The following OPRD1 variants were observed in gnomAD, a reference collection of about 807,000 sequenced individuals.
The protein encoded by OPRD1 is opioid receptor delta 1, also known as delta-type opioid receptor.
A neutral mutation model predicts 17.5 loss-of-function variants in OPRD1; 19 were observed. The ratio of observed to expected loss-of-function variants is 1.09; its 90% CI spans 0.76 to 1.60. OPRD1 has a LOEUF of 1.60. OPRD1 is among the 40% of genes most tolerant of loss of function. OPRD1 has a pLI of 0.00. For synonymous variants in OPRD1, 256 were observed against 240.9 expected, an observed-to-expected ratio of 1.06 and a Z score of -0.58; for missense variants, 483 against 547.2, an observed-to-expected ratio of 0.88 and a Z score of 1.17.
chr1:28,853,276 T>C (rs1317247787), intron 1 of OPRD1, among the ~76,000 whole-genome samples: 1 of 152,234 alleles, frequency 6.6e-6, no homozygotes, highest in African/African-American at 2.4e-5. Context: ...GTGTCGCCAC[T>C]GGACTAAAGT....
In OPRD1 at chr1:28,859,064, C is replaced by G. The variant is rs560311089; in HGVS notation, c.338C>G (p.Thr113Arg). Residue 113 changes from threonine (T) to arginine (R), a missense_variant, in exon 2 of 3, where the codon ACG (threonine) becomes AGG (arginine). Physicochemically the swap from Thr to Arg is moderately conservative, Grantham distance 71. Coordinates refer to ENST00000234961, the MANE Select transcript of OPRD1 (RefSeq NM_000911.4). ...PFQSAKYLME[T>R]WPFGELLCKA... The stretch of plus-strand genomic sequence containing the variant: ...CAGAGTGCCAAGTACCTGATGGAGA[C>G]GTGGCCCTTCGGCGAGCTGCTCTGC... The G allele has an allele frequency of 1.5e-5, 25 of 1,614,242 alleles. No homozygotes were observed. In the South Asian group the frequency reaches 2.7e-4, roughly 18 times the overall value.
intron 1 of OPRD1, among the ~76,000 whole-genome samples, chr1:28,842,589 G>C (rs1464714974): frequency 6.6e-6 from 1 of 152,234 alleles, no homozygotes; most frequent in East Asian, 1.9e-4. Context: ...TAACAGAGGA[G>C]TGTAGGGCTC....
At position 28,862,665 on chromosome 1, in the gene OPRD1, G is replaced by T. The variant is rs140970421; in HGVS notation, c.578-77G>T. The T allele has an allele frequency of 8.7e-5, 121 of 1,392,532 alleles. 2 individuals carry two copies. The East Asian group carries it at 2.9e-3, about 33-fold the overall frequency. The allele number at this position is 1,392,532 out of a possible 1,614,324, so 86.3% of individuals were successfully genotyped here. A position where few individuals can be genotyped will look rare whatever the true frequency, so the allele number is the denominator to read the frequency against. ...GTGGGACTTGCCCAAGCCTTGAAAG[G>T]GTGGGCAAGCAGGTGGGGGCCCCTT... On this transcript the variant is annotated intron_variant, in intron 2 of 2. Transcript: ENST00000234961.
rs1213310374 is a variant in OPRD1 at position 28,858,995 on chromosome 1, ACCTGG to A, written c.273_277del (p.Ala92SerfsTer52). 2 of 1,613,522 alleles carry A rather than the reference ACCTGG, an allele frequency of 1.2e-6. No individual in the cohort carries two copies. The highest frequency in any genetic ancestry group is 3.3e-5 in the Admixed American group (2 of 60,012). On this transcript the variant is annotated frameshift_variant, in exon 2 of 3. Transcript: ENST00000234961. LOFTEE classifies it high-confidence loss of function. ...ACGGCCACCAACATCTACATCTTCA[ACCTGG>A]CCTTAGCCGATGCGCTGGCCACCAG...
intron 1 of OPRD1, among the ~76,000 whole-genome samples, chr1:28,821,952 C>A (rs1276638529): frequency 7.9e-6 from 1 of 126,236 alleles, no homozygotes; most frequent in African/African-American, 3.5e-5. Flanking sequence ...CTCATTATTT[C>A]TTTCTTTTTT....
chr1:28,857,855 C>T (rs961603401), intron 1 of OPRD1, among the ~76,000 whole-genome samples: 2 of 152,078 alleles, frequency 1.3e-5, no homozygotes, highest in Admixed American at 1.3e-4. Flanking sequence ...TGCAATGGCA[C>T]TATCTCGGCT....
chr1:28,819,297 AAGGAGGCAGCAGG>A (rs2088693513), intron 1 of OPRD1, among the ~76,000 whole-genome samples: 1 of 150,784 alleles, frequency 6.6e-6, no homozygotes, highest in Non-Finnish European at 1.5e-5. Flanking sequence ...AAAAAAAAGG[AAGGAGGCAGCAGG>A]AGGAGGCTGG....
At chr1:28,853,651 A>G (rs2089028988) in intron 1 of OPRD1, among the ~76,000 whole-genome samples, 1 of 152,236 alleles carries the variant, frequency 6.6e-6, no homozygotes, top group Non-Finnish European at 1.5e-5. Flanking sequence ...TAAGAGAGCA[A>G]GGATGGGTAG....
In OPRD1 at chr1:28,861,249, A is replaced by T. The variant is rs540954773; in HGVS notation, c.578-1493A>T. On this transcript the variant is annotated intron_variant, in intron 2 of 2. Coordinates refer to ENST00000234961, the MANE Select transcript of OPRD1 (RefSeq NM_000911.4). ...TTCTTAAATCCTAGCATTCCAAGAG[A>T]TCCTGGGAGTCCCCTGGGCCAGCCT... Among the ~76,000 whole-genome samples the T allele has an allele frequency of 7.9e-5, 12 of 152,012 alleles. No homozygotes were observed. The South Asian group carries it at 2.3e-3, about 29-fold the overall frequency.
At chr1:28,823,033 A>C (rs1252150670) in intron 1 of OPRD1, among the ~76,000 whole-genome samples, 1 of 151,978 alleles carries the variant, frequency 6.6e-6, no homozygotes, top group African/African-American at 2.4e-5. Context: ...TCTGCAGGCT[A>C]TAGTGGCCCC....
In OPRD1 at chr1:28,863,052, G is replaced by A. The variant is rs1389425915; in HGVS notation, c.888G>A (p.Val296=). 6.2e-7 allele frequency: 1 copy of A among 1,606,058 alleles called. No individual in the cohort carries two copies. Among genetic ancestry groups the A allele is most frequent in the Non-Finnish European group, 8.5e-7 (1 of 1,176,240 alleles). Residue 296 remains valine, a synonymous_variant, in exon 3 of 3, where the codon GTG becomes GTA. Coordinates refer to ENST00000234961, the MANE Select transcript of OPRD1 (RefSeq NM_000911.4). ...LVDIDRRDPL[V]VAALHLCIAL... The stretch of plus-strand genomic sequence containing the variant: ...ACATCGACCGGCGCGACCCGCTGGT[G>A]GTGGCTGCGCTGCACCTGTGCATCG...
At chr1:28,856,147 G>A (rs573598328) in intron 1 of OPRD1, among the ~76,000 whole-genome samples, 46 of 152,314 alleles carry the variant, frequency 3.0e-4, no homozygotes, top group African/African-American at 1.0e-3. Context: ...AAGAGGGAGC[G>A]TGGGAGTCAG....
At chr1:28,816,573 C>T (rs1041800186) in intron 1 of OPRD1, among the ~76,000 whole-genome samples, 3 of 152,120 alleles carry the variant, frequency 2.0e-5, no homozygotes, top group Admixed American at 1.3e-4. Flanking sequence ...CTGAGAGGGG[C>T]CTCTGGGAAT....
intron 1 of OPRD1, among the ~76,000 whole-genome samples, chr1:28,815,216 C>G (rs763020318): frequency 2.6e-5 from 4 of 152,166 alleles, no homozygotes; most frequent in Non-Finnish European, 5.9e-5. Context: ...GGGCTTAATG[C>G]GATCCTCCCA....
chr1:28,851,419 T>C (rs1281082775), intron 1 of OPRD1, among the ~76,000 whole-genome samples: 1 of 152,174 alleles, frequency 6.6e-6, no homozygotes, highest in South Asian at 2.1e-4. Context: ...TTCTACCTCC[T>C]ATGTGCCCTG....
rs762165733 is a variant in OPRD1, at chr1:28,862,924, C to G, written c.760C>G (p.Arg254Gly). Residue 254 changes from arginine to glycine, a missense_variant, in exon 3 of 3, where the codon CGC becomes GGC. Coordinates refer to ENST00000234961, the MANE Select transcript of OPRD1 (RefSeq NM_000911.4). ...GCTGTCGGGCTCCAAGGAGAAGGAC[C>G]GCAGCCTGCGGCGCATCACGCGCAT... is the stretch of plus-strand genomic sequence containing the variant. ...RLLSGSKEKDRSLRRITRMVL... is the reference protein window; with the variant it reads ...RLLSGSKEKDGSLRRITRMVL... 9 of 1,612,722 alleles carry G rather than the reference C, an allele frequency of 5.6e-6. No individual in the cohort carries two copies. Among genetic ancestry groups the G allele is most frequent in the Non-Finnish European group, 5.9e-6 (7 of 1,179,902 alleles).
intron 1 of OPRD1, among the ~76,000 whole-genome samples, chr1:28,854,178 C>G (rs933175936): frequency 6.6e-6 from 1 of 152,080 alleles, no homozygotes; most frequent in Non-Finnish European, 1.5e-5. Context: ...TGGCCAGACC[C>G]GGGATGGCAC....
intron 1 of OPRD1, among the ~76,000 whole-genome samples, chr1:28,823,198 T>C (rs1436846175): frequency 1.4e-5 from 2 of 142,058 alleles, no homozygotes; most frequent in African/African-American, 2.7e-5. Context: ...GTCTTTTTTT[T>C]TTTTTTTTTT....
At chr1:28,840,495 TG>T (rs746419813) in intron 1 of OPRD1, among the ~76,000 whole-genome samples, 13 of 152,286 alleles carry the variant, frequency 8.5e-5, no homozygotes, top group Non-Finnish European at 1.6e-4. Flanking sequence ...AAGAAGGCAC[TG>T]GGATTTCGGG....
Sources: gnomAD v4.1 joint callset for allele counts (sites outside exome capture counted in the v4.1 genomes callset) on GRCh38, gnomAD v4.1.1 for gene constraint, MANE v1.5 for transcripts, NCBI Gene and HGNC (gene_info 2026-07-23, HGNC 2026-07-21) for gene names.